Variants in TMC7 observed in about 807,000 individuals in gnomAD.
TMC7 encodes the protein transmembrane channel-like protein 7.
TMC7 carries 54 observed loss-of-function variants against 82.9 expected under a neutral mutation model. That is an observed-to-expected ratio of 0.65 (90% CI 0.52 to 0.82). The LOEUF is 0.82. Among genes scored for constraint, TMC7 ranks in the 40% least tolerant of loss-of-function variants. The probability of loss-of-function intolerance (pLI) is 0.00; values close to 1 mark genes in which losing one functional copy is unlikely to be tolerated. For missense variants in TMC7, 820 were observed against 901.2 expected (o/e 0.91, Z 1.15); for synonymous variants, 350 against 337.9 (o/e 1.04, Z -0.39).
chr16:19,056,799 G>C (rs888234091), intron 14 of TMC7, 102 bp downstream of exon 14: 10 of 1,345,686 alleles, frequency 7.4e-6, no homozygotes, highest in Non-Finnish European at 9.2e-6. Flanking sequence ...AAGTTACTGA[G>C]CTTCTTTGAA....
intron 1 of TMC7, among the ~76,000 whole-genome samples, chr16:18,991,398 G>A (rs2038948264): frequency 6.6e-6 from 1 of 152,048 alleles, no homozygotes; most frequent in African/African-American, 2.4e-5. Flanking sequence ...CAAGTTTTTG[G>A]GCTCTATCCT....
chr16:19,037,283 G>T (rs905184285), intron 7 of TMC7, among the ~76,000 whole-genome samples: 2 of 151,140 alleles, frequency 1.3e-5, no homozygotes, highest in Non-Finnish European at 2.9e-5. Flanking sequence ...AGCTTCTCGG[G>T]AGGCTGAGGC....
At chr16:18,985,361 A>AG (rs944477328) in intron 1 of TMC7, among the ~76,000 whole-genome samples, 1 of 152,140 alleles carries the variant, frequency 6.6e-6, no homozygotes, top group Non-Finnish European at 1.5e-5. Context: ...GAAAAAAAAA[A>AG]TTTAGAAGAG....
At position 19,047,069 on chromosome 16, in the gene TMC7, G is replaced by A. The variant is rs1431938732; in HGVS notation, c.1560G>A (p.Leu520=). ...TLFVDFPRKL[L]VTYCSSCKLI... ...GAGAATTGTCTGTTTCCAGGCTCCT[G>A]GTGACCTACTGTTCCTCTTGCAAGC... Residue 520 remains leucine (L), a synonymous_variant, in exon 12 of 16, where the codon CTG becomes CTA. Coordinates refer to ENST00000304381, the MANE Select transcript of TMC7 (RefSeq NM_024847.4). The A allele has an allele frequency of 6.2e-7, 1 of 1,606,108 alleles. No homozygotes were observed.
intron 13 of TMC7, among the ~76,000 whole-genome samples, chr16:19,054,312 A>G (rs1458280762): frequency 6.6e-6 from 1 of 152,120 alleles, no homozygotes. Flanking sequence ...GGATGTCCCA[A>G]TTGTTAACAT....
chr16:19,034,948 C>T (rs2142250254), intron 6 of TMC7, among the ~76,000 whole-genome samples: 1 of 152,104 alleles, frequency 6.6e-6, no homozygotes, highest in East Asian at 1.9e-4. Flanking sequence ...GAAAATGAAT[C>T]GTTCTACCAA....
rs1271428023 is a variant in TMC7 at position 19,061,919 on chromosome 16, A to G, written c.*76A>G. On this transcript the variant is annotated 3_prime_UTR_variant, in exon 16 of 16. Coordinates refer to ENST00000304381, the MANE Select transcript of TMC7 (RefSeq NM_024847.4). ...TGATTCTGCTGAGCCTACAGAGTCT[A>G]CCTGGGTTTTGAGTGGACATTTAAA... 8 of 1,315,734 alleles carry G rather than the reference A, an allele frequency of 6.1e-6. No homozygotes were observed. Among genetic ancestry groups the G allele is most frequent in the Non-Finnish European group, 8.4e-6 (8 of 948,478 alleles). The allele number at this position is 1,315,734 out of a possible 1,614,324, so 81.5% of individuals were successfully genotyped here. A position where few individuals can be genotyped will look rare whatever the true frequency, so the allele number is the denominator to read the frequency against.
At chr16:19,002,887 A>T (rs1017659034) in intron 1 of TMC7, among the ~76,000 whole-genome samples, 2 of 152,248 alleles carry the variant, frequency 1.3e-5, no homozygotes, top group Non-Finnish European at 2.9e-5. Context: ...AATGTCTGAC[A>T]ATAACTGTAA....
intron 3 of TMC7, 42 bp downstream of exon 3, chr16:19,016,640 CTG>C (rs982705765): frequency 3.8e-6 from 6 of 1,597,452 alleles, no homozygotes; most frequent in Non-Finnish European, 5.1e-6. Context: ...CCGCAGAAGT[CTG>C]TGTCTGGGGA....
intron 2 of TMC7, among the ~76,000 whole-genome samples, chr16:19,014,335 T>C (rs1033200080): frequency 1.3e-5 from 2 of 152,206 alleles, no homozygotes; most frequent in Non-Finnish European, 2.9e-5. Context: ...CATTGCCTGA[T>C]GTTCCTTGGG....
intron 7 of TMC7, among the ~76,000 whole-genome samples, chr16:19,036,370 A>T (rs946495858): frequency 6.6e-6 from 1 of 152,182 alleles, no homozygotes; most frequent in Non-Finnish European, 1.5e-5. Flanking sequence ...TTAGCCAGGC[A>T]TGGTGGCACA....
intron 1 of TMC7, 119 bp downstream of exon 1, chr16:18,984,249 G>A (rs1234054302): frequency 2.7e-5 from 36 of 1,342,158 alleles, no homozygotes; most frequent in Admixed American, 1.6e-4. Flanking sequence ...GACGCCGGGT[G>A]CTCCCGGCTC....
At chr16:18,989,895 G>A (rs1401257774) in intron 1 of TMC7, among the ~76,000 whole-genome samples, 8 of 151,786 alleles carry the variant, frequency 5.3e-5, no homozygotes, top group South Asian at 4.2e-4. Context: ...TGTTTCATGC[G>A]CGTCCATGTG....
chr16:19,041,670 C>A (rs1175487206), intron 9 of TMC7, among the ~76,000 whole-genome samples: 1 of 152,146 alleles, frequency 6.6e-6, no homozygotes, highest in African/African-American at 2.4e-5. Flanking sequence ...CCGTGCCCAG[C>A]CAACTTCATT....
At chr16:19,015,858 G>A (rs1959661467) in intron 2 of TMC7, among the ~76,000 whole-genome samples, 1 of 152,028 alleles carries the variant, frequency 6.6e-6, no homozygotes, top group Non-Finnish European at 1.5e-5. Flanking sequence ...TTACAGGCAT[G>A]AGCCACCACG....
intron 5 of TMC7, among the ~76,000 whole-genome samples, chr16:19,027,690 A>G (rs1256607270): frequency 1.5e-4 from 23 of 151,960 alleles, no homozygotes; most frequent in Non-Finnish European, 4.4e-5. Flanking sequence ...CCTTTGGGAG[A>G]GTTGAAAGGA....
intron 1 of TMC7, among the ~76,000 whole-genome samples, chr16:18,990,132 G>C (rs112502248): frequency 6.6e-6 from 1 of 152,118 alleles, no homozygotes; most frequent in Non-Finnish European, 1.5e-5. Flanking sequence ...CTTCTTAAGG[G>C]TTGGGGAGAT....
intron 2 of TMC7, among the ~76,000 whole-genome samples, chr16:19,015,527 T>A (rs1411845013): frequency 6.6e-6 from 1 of 152,190 alleles, no homozygotes; most frequent in Non-Finnish European, 1.5e-5. Context: ...TGTTTCTACC[T>A]TTTGATTATT....
chr16:19,044,108 T>C (rs1291733005), intron 9 of TMC7, among the ~76,000 whole-genome samples: 1 of 151,970 alleles, frequency 6.6e-6, no homozygotes, highest in Non-Finnish European at 1.5e-5. Context: ...CCTCAGGTGA[T>C]CCCTCTGCCT....
Sources: gnomAD v4.1 joint callset for allele counts (sites outside exome capture counted in the v4.1 genomes callset) on GRCh38, gnomAD v4.1.1 for gene constraint, MANE v1.5 for transcripts, NCBI Gene and HGNC (gene_info 2026-07-23, HGNC 2026-07-21) for gene names.